RAD51B: variants seen among roughly 807,000 people sequenced by gnomAD.
RAD51B encodes the protein RAD51 paralog B.
RAD51B carries 38 observed loss-of-function variants against 42.2 expected under a neutral mutation model. The ratio of observed to expected loss-of-function variants is 0.90; its 90% CI spans 0.70 to 1.18. RAD51B has a LOEUF of 1.18. RAD51B is among the 50% of genes most tolerant of loss of function. The pLI is 0.00. For missense variants in RAD51B, 373 were observed against 400.7 expected (o/e 0.93, Z 0.59); for synonymous variants, 154 against 145.2 (o/e 1.06, Z -0.43).
At chr14:68,390,670 G>A (rs547674085) in intron 8 of RAD51B, among the ~76,000 whole-genome samples, 1 of 152,298 alleles carries the variant, frequency 6.6e-6, no homozygotes, top group Admixed American at 6.5e-5. Flanking sequence ...TACAATAGTA[G>A]GATATTTAAG....
Position 68,047,517 on chromosome 14 carries a change from T to C in RAD51B, c.756+160313T>C, listed in dbSNP as rs531330742. 3.9e-5 allele frequency among the ~76,000 whole-genome samples: 6 copies of C among 152,264 alleles called. No individual in the cohort carries two copies. The East Asian group carries it at 1.2e-3, about 29-fold the overall frequency. ...ACCACCACCCAGAAATAATGACAGC[T>C]TTCAAGTGTGTTTCTTTCTAATCTT... On this transcript the variant is annotated intron_variant, in intron 7 of 10. Coordinates refer to ENST00000471583, the MANE Select transcript of RAD51B (RefSeq NM_133510.4).
intron 7 of RAD51B, among the ~76,000 whole-genome samples, chr14:67,978,204 T>A (rs536221192): frequency 2.4e-4 from 36 of 152,306 alleles, no homozygotes; most frequent in South Asian, 4.1e-4. Context: ...GATTTTTTTT[T>A]ATTTATTTAT....
Position 68,493,960 on chromosome 14 carries a change from G to A in RAD51B, c.1036+25710G>A, listed in dbSNP as rs79402904. ...CAAAGGCTCCAGGTTGGAGGAGCTC[G>A]AGGTTCAGCTGAGTGTCAGAAATGA... On this transcript the variant is annotated intron_variant, in intron 10 of 10. Transcript: ENST00000487270. 6.6e-3 allele frequency among the ~76,000 whole-genome samples: 998 copies of A among 152,236 alleles called. 10 individuals carry two copies. Among genetic ancestry groups the A allele is most frequent in the Non-Finnish European group, 8.4e-3 (571 of 68,018 alleles).
chr14:68,499,968 G>C (rs915849076), intron 10 of RAD51B, among the ~76,000 whole-genome samples: 1 of 152,210 alleles, frequency 6.6e-6, no homozygotes, highest in Admixed American at 6.5e-5. Context: ...TGCCCAGAGA[G>C]ATGAAATGAC....
chr14:68,455,752 G>C (rs1459227861), intron 9 of RAD51B, among the ~76,000 whole-genome samples: 2 of 151,388 alleles, frequency 1.3e-5, no homozygotes, highest in Non-Finnish European at 2.9e-5. Flanking sequence ...TTTTTAAAAA[G>C]TGTGTTGGTA....
intron 10 of RAD51B, among the ~76,000 whole-genome samples, chr14:68,558,346 C>T (rs1040740936): frequency 2.0e-5 from 3 of 152,354 alleles, no homozygotes; most frequent in South Asian, 4.1e-4. Context: ...TCATTCCATT[C>T]GGCCACGAGA....
intron 11 of RAD51B, among the ~76,000 whole-genome samples, chr14:68,653,853 GAA>G (rs1892753512): frequency 6.6e-6 from 1 of 152,236 alleles, no homozygotes; most frequent in Non-Finnish European, 1.5e-5. Flanking sequence ...TCTTGGCAGA[GAA>G]ACAGCATGTG....
chr14:68,117,931 G>A (rs1217925289), intron 7 of RAD51B, among the ~76,000 whole-genome samples: 3 of 152,134 alleles, frequency 2.0e-5, no homozygotes, highest in African/African-American at 7.2e-5. Flanking sequence ...GAAGAAAACA[G>A]TCTCACATTG....
chr14:67,826,886 T>A (rs903423176), intron 3 of RAD51B, among the ~76,000 whole-genome samples: 1 of 152,130 alleles, frequency 6.6e-6, no homozygotes, highest in African/African-American at 2.4e-5. Flanking sequence ...TTTTGCCACA[T>A]AGCCTAGACT....
intron 7 of RAD51B, among the ~76,000 whole-genome samples, chr14:68,174,663 C>T (rs73288068): frequency 0.014 from 2,185 of 152,286 alleles, 53 homozygotes; most frequent in African/African-American, 0.049. Flanking sequence ...ATTGGATCAA[C>T]GTTAATGACT....
At chr14:68,342,107 A>G (rs10483807) in intron 8 of RAD51B, among the ~76,000 whole-genome samples, 75,888 of 151,930 alleles carry the variant, frequency 0.5, 21,755 homozygotes, top group South Asian at 0.66. Context: ...ACTCTATCAC[A>G]TGTTTATCTT....
chr14:68,639,709 C>G (rs1281916960), intron 10 of RAD51B, among the ~76,000 whole-genome samples: 1 of 152,154 alleles, frequency 6.6e-6, no homozygotes, highest in Admixed American at 6.5e-5. Flanking sequence ...TGAGACAGAA[C>G]CTTCGGTTTG....
intron 8 of RAD51B, among the ~76,000 whole-genome samples, chr14:68,299,176 A>T (rs2081670744): frequency 6.6e-6 from 1 of 152,040 alleles, no homozygotes. Context: ...TTTAGCATAC[A>T]TCAGAATCAC....
chr14:68,600,125 G>A (rs184642481), downstream of RAD51B, among the ~76,000 whole-genome samples: 15 of 152,308 alleles, frequency 9.8e-5, no homozygotes, highest in East Asian at 3.9e-4. Flanking sequence ...CCTGATGGCC[G>A]AGATCATTAA....
chr14:67,836,776 G>A (rs1265889594), intron 4 of RAD51B, among the ~76,000 whole-genome samples: 1 of 152,102 alleles, frequency 6.6e-6, no homozygotes, highest in Non-Finnish European at 1.5e-5. Context: ...ACCTTTTGGA[G>A]GAAGAAGTGT....
At chr14:67,890,381 AT>A (rs537879194) in intron 7 of RAD51B, among the ~76,000 whole-genome samples, 54 of 147,296 alleles carry the variant, frequency 3.7e-4, no homozygotes, top group Admixed American at 6.8e-4. Context: ...CAGTTTGGGG[AT>A]TTTTTTTTTT....
chr14:68,674,967 T>C (rs115787816), intron 11 of RAD51B, among the ~76,000 whole-genome samples: 2,356 of 152,310 alleles, frequency 0.015, 44 homozygotes, highest in African/African-American at 0.053. Flanking sequence ...GAAAGACTTC[T>C]AAATTTTAAA....
At chr14:68,294,171 G>T (rs1194473257) in intron 8 of RAD51B, among the ~76,000 whole-genome samples, 5 of 152,176 alleles carry the variant, frequency 3.3e-5, no homozygotes, top group Admixed American at 6.5e-5. Context: ...ACATAGAAAA[G>T]AAATTGCTTC....
intron 7 of RAD51B, among the ~76,000 whole-genome samples, chr14:68,184,887 G>A (rs1204035752): frequency 1.3e-5 from 2 of 152,198 alleles, no homozygotes; most frequent in Non-Finnish European, 2.9e-5. Context: ...ATGAGGGAAA[G>A]TGTTCATGAG....
Sources: gnomAD v4.1 joint callset for allele counts (sites outside exome capture counted in the v4.1 genomes callset) on GRCh38, gnomAD v4.1.1 for gene constraint, MANE v1.5 for transcripts, NCBI Gene and HGNC (gene_info 2026-07-23, HGNC 2026-07-21) for gene names.